The following TFEC variants were observed in gnomAD, a reference collection of about 807,000 sequenced individuals.
TFEC encodes class E basic helix-loop-helix protein 34.
A neutral mutation model predicts 41.6 loss-of-function variants in TFEC; 31 were observed. The ratio of observed to expected loss-of-function variants is 0.74; its 90% CI spans 0.56 to 1.01. The LOEUF is 1.01. Among genes scored for constraint, TFEC ranks in the 50% least tolerant of loss-of-function variants. The probability of loss-of-function intolerance (pLI) is 0.00; values close to 1 mark genes in which losing one functional copy is unlikely to be tolerated. For synonymous variants in TFEC, 143 were observed against 140.6 expected (o/e 1.02, Z -0.12); for missense variants, 402 against 404.1 (o/e 0.99, Z 0.04).
chr7:116,060,504 A>G (rs886118082), intron 3 of TFEC, among the ~76,000 whole-genome samples: 2 of 152,206 alleles, frequency 1.3e-5, no homozygotes, highest in Non-Finnish European at 2.9e-5. Context: ...AATGTGGTAC[A>G]TATACACCAT....
Position 116,030,629 on chromosome 7 carries a change from C to T in TFEC, c.-73+4G>A. On this transcript the variant is annotated splice_donor_region_variant and intron_variant, in intron 1 of 7. Coordinates refer to ENST00000265440, the MANE Select transcript of TFEC (RefSeq NM_012252.4). ...AAAATTAACCTGCCGGTTTAGTTAC[C>T]TACCAGCAATGAGTGGATTTTATCA... The T allele has an allele frequency of 1.0e-6, 1 of 985,268 alleles. No homozygotes were observed. The highest frequency in any genetic ancestry group is 1.2e-6 in the Non-Finnish European group (1 of 829,852). 61.0% of individuals were successfully genotyped at this position (985,268 alleles called of 1,614,324 possible). A position where few individuals can be genotyped will look rare whatever the true frequency, so the allele number is the denominator to read the frequency against.
chr7:115,985,308 A>G (rs1793802662), intron 1 of TFEC, among the ~76,000 whole-genome samples: 1 of 152,106 alleles, frequency 6.6e-6, no homozygotes, highest in Admixed American at 6.5e-5. Context: ...TTAATATTGT[A>G]CTATCATTTG....
At chr7:116,143,816 G>A (rs1029709581) in intron 1 of TFEC, among the ~76,000 whole-genome samples, 1 of 152,202 alleles carries the variant, frequency 6.6e-6, no homozygotes, top group Non-Finnish European at 1.5e-5. Context: ...GGTTTATGGG[G>A]AGAAGGGAAA....
At chr7:116,026,681 A>T (rs554514354) in intron 1 of TFEC, among the ~76,000 whole-genome samples, 1 of 152,286 alleles carries the variant, frequency 6.6e-6, no homozygotes, top group South Asian at 2.1e-4. Flanking sequence ...TTCAAACACT[A>T]TTAGAAGGGT....
At chr7:116,122,487 A>G (rs894470383) in intron 1 of TFEC, among the ~76,000 whole-genome samples, 1 of 152,092 alleles carries the variant, frequency 6.6e-6, no homozygotes, top group Non-Finnish European at 1.5e-5. Context: ...ACATGCATTC[A>G]GCATTCTGGG....
At chr7:116,006,253 G>T (rs1271610426) in intron 1 of TFEC, among the ~76,000 whole-genome samples, 1 of 152,166 alleles carries the variant, frequency 6.6e-6, no homozygotes, top group Non-Finnish European at 1.5e-5. Context: ...TCCACCAACA[G>T]CTTGCACCAT....
chr7:115,944,013 ATTTTTTTTTTTT>A (rs1160114562), intron 6 of TFEC, among the ~76,000 whole-genome samples: 274 of 22,850 alleles, frequency 0.012, 13 homozygotes, highest in African/African-American at 0.032. Flanking sequence ...ACAGGTCTGA[ATTTTTTTTTTTT>A]TTTTTTTTTT....
chr7:116,156,323 G>A (rs918110721), intron 1 of TFEC, among the ~76,000 whole-genome samples: 1 of 152,128 alleles, frequency 6.6e-6, no homozygotes, highest in African/African-American at 2.4e-5. Context: ...AATTATTTCT[G>A]AAACATTTGT....
At chr7:115,990,416 G>A (rs1051478438) in intron 1 of TFEC, among the ~76,000 whole-genome samples, 2 of 151,494 alleles carry the variant, frequency 1.3e-5, no homozygotes, top group South Asian at 2.1e-4. Context: ...TCAGAAGATC[G>A]GTAATAACAA....
At chr7:115,982,722 T>C (rs182886859) in intron 2 of TFEC, among the ~76,000 whole-genome samples, 2 of 152,282 alleles carry the variant, frequency 1.3e-5, no homozygotes, top group East Asian at 3.9e-4. Context: ...TTCTTGGGAC[T>C]TTCAACCCTT....
intron 3 of TFEC, among the ~76,000 whole-genome samples, chr7:116,036,338 C>T (rs1176886934): frequency 6.6e-6 from 1 of 152,090 alleles, no homozygotes; most frequent in Non-Finnish European, 1.5e-5. Context: ...TTCACGAACA[C>T]ATTAATTTCC....
intron 5 of TFEC, among the ~76,000 whole-genome samples, chr7:115,952,593 T>C (rs1792004859): frequency 6.6e-6 from 1 of 152,090 alleles, no homozygotes; most frequent in Non-Finnish European, 1.5e-5. Context: ...TGTCAGAACC[T>C]TCTTCTCTAC....
intron 6 of TFEC, among the ~76,000 whole-genome samples, chr7:115,949,488 G>T (rs1284754495): frequency 1.3e-5 from 2 of 152,136 alleles, no homozygotes; most frequent in East Asian, 1.9e-4. Flanking sequence ...CATGGTACTA[G>T]TACCAAAACA....
intron 1 of TFEC, among the ~76,000 whole-genome samples, chr7:115,998,852 A>G (rs62477247): frequency 0.26 from 20,770 of 79,254 alleles, 1,918 homozygotes; most frequent in Non-Finnish European, 0.43. Context: ...TTAGCGCTAA[A>G]GAGAGAGAGA....
intron 1 of TFEC, among the ~76,000 whole-genome samples, chr7:115,985,418 C>T (rs961228225): frequency 6.6e-6 from 1 of 152,064 alleles, no homozygotes; most frequent in Non-Finnish European, 1.5e-5. Flanking sequence ...TATTCTGTGG[C>T]TTCTAATACA....
In TFEC at chr7:116,097,863, A is replaced by C. The variant is rs192493812; in HGVS notation, c.198+12845T>G. On this transcript the variant is annotated intron_variant, in intron 3 of 8. Coordinates refer to the TFEC transcript ENST00000484212. ...ATGATATGGACTCAGAAATAGTGTA[A>C]ATAAATCAAAATGAAACTCTGAAAA... 2.0e-5 allele frequency among the ~76,000 whole-genome samples: 3 copies of C among 152,362 alleles called. No homozygotes were observed. In the East Asian group the frequency reaches 5.8e-4, roughly 29 times the overall value.
At chr7:116,055,478 T>C (rs1453769442) in intron 3 of TFEC, among the ~76,000 whole-genome samples, 1 of 151,876 alleles carries the variant, frequency 6.6e-6, no homozygotes, top group Non-Finnish European at 1.5e-5. Context: ...TCTAATATAG[T>C]TATATGGTGA....
intron 3 of TFEC, among the ~76,000 whole-genome samples, chr7:116,043,072 A>T (rs1334678634): frequency 2.6e-5 from 4 of 152,170 alleles, no homozygotes; most frequent in Admixed American, 1.3e-4. Context: ...AAAGAGAGGT[A>T]CTATAACATC....
chr7:116,059,437 A>T (rs1464718290), intron 3 of TFEC, among the ~76,000 whole-genome samples: 3 of 151,880 alleles, frequency 2.0e-5, no homozygotes, highest in Non-Finnish European at 4.4e-5. Flanking sequence ...AAAATATACC[A>T]ATTCCGTACT....
Sources: allele counts gnomAD v4.1 joint callset (sites outside exome capture counted in the v4.1 genomes callset), GRCh38; gene constraint gnomAD v4.1.1; transcripts MANE v1.5; gene names NCBI Gene and HGNC (gene_info 2026-07-23, HGNC 2026-07-21).